The following CDH12 variants were observed in gnomAD, a reference collection of about 807,000 sequenced individuals.
The protein encoded by CDH12 is cadherin 12.
In CDH12, 41 loss-of-function variants were observed where a neutral mutation model predicts 74.1. That is an observed-to-expected ratio of 0.55 (90% CI 0.43 to 0.72). The LOEUF (loss-of-function observed/expected upper bound fraction) is 0.72. Among genes scored for constraint, CDH12 ranks in the 30% least tolerant of loss-of-function variants. The pLI is 0.00. For synonymous variants in CDH12, 399 were observed against 355.0 expected, an observed-to-expected ratio of 1.12 and a Z score of -1.39; for missense variants, 945 against 977.2, an observed-to-expected ratio of 0.97 and a Z score of 0.44.
At chr5:22,110,403 A>G (rs1016238777) in intron 4 of CDH12, among the ~76,000 whole-genome samples, 23 of 150,550 alleles carry the variant, frequency 1.5e-4, no homozygotes, top group African/African-American at 5.6e-4. Context: ...CATGGGAGAC[A>G]GGGGTAGTAC....
intron 3 of CDH12, among the ~76,000 whole-genome samples, chr5:22,244,727 AAAAGAAAGAAAGAAAAGAAAG>A (rs1580442087): frequency 2.2e-5 from 3 of 136,138 alleles, no homozygotes; most frequent in Non-Finnish European, 4.6e-5. Flanking sequence ...GAGAGAAAGA[AAAAGAAAGAAAGAAAAGAAAG>A]AAAGAAAGAA....
At chr5:22,311,641 T>G (rs1291534377) in intron 3 of CDH12, among the ~76,000 whole-genome samples, 5 of 150,986 alleles carry the variant, frequency 3.3e-5, no homozygotes, top group Non-Finnish European at 2.9e-5. Flanking sequence ...AGGCAGAAGT[T>G]TTAGTGAGCT....
chr5:22,641,421 A>G (rs186012555), intron 1 of CDH12, among the ~76,000 whole-genome samples: 4 of 152,216 alleles, frequency 2.6e-5, no homozygotes, highest in African/African-American at 7.2e-5. Context: ...TGGGGCCCCA[A>G]GTGGTTGATG....
intron 1 of CDH12, among the ~76,000 whole-genome samples, chr5:22,845,791 T>C (rs1045712126): frequency 6.6e-6 from 1 of 152,134 alleles, no homozygotes; most frequent in African/African-American, 2.4e-5. Flanking sequence ...TGACAAGATA[T>C]TGGTTTTAAG....
chr5:21,946,052 A>T (rs1332797506), intron 6 of CDH12, among the ~76,000 whole-genome samples: 1 of 152,012 alleles, frequency 6.6e-6, no homozygotes, highest in Non-Finnish European at 1.5e-5. Flanking sequence ...GAAAAACAAT[A>T]ATGTAAACCA....
chr5:22,157,065 A>T (rs1255757417), intron 4 of CDH12, among the ~76,000 whole-genome samples: 3 of 151,880 alleles, frequency 2.0e-5, no homozygotes, highest in Admixed American at 6.6e-5. Context: ...TCTACATCAC[A>T]AACTTGTAAG....
At chr5:21,955,112 T>C (rs1756036394) in intron 6 of CDH12, among the ~76,000 whole-genome samples, 1 of 151,496 alleles carries the variant, frequency 6.6e-6, no homozygotes, top group African/African-American at 2.4e-5. Flanking sequence ...CTGCGTTTGA[T>C]TTTTTTTACA....
At chr5:22,817,994 G>C (rs966402856) in intron 1 of CDH12, among the ~76,000 whole-genome samples, 5 of 152,112 alleles carry the variant, frequency 3.3e-5, no homozygotes, top group African/African-American at 1.2e-4. Flanking sequence ...AATAAAAAGT[G>C]GAAGGGTTGT....
chr5:21,806,009 C>G (rs565145454), intron 9 of CDH12, among the ~76,000 whole-genome samples: 1 of 151,998 alleles, frequency 6.6e-6, no homozygotes, highest in Non-Finnish European at 1.5e-5. Context: ...ACTAGTGGCA[C>G]CAGAATGTTC....
At chr5:22,269,188 T>C (rs1472238073) in intron 3 of CDH12, among the ~76,000 whole-genome samples, 1 of 152,166 alleles carries the variant, frequency 6.6e-6, no homozygotes, top group Non-Finnish European at 1.5e-5. Context: ...TAGTATTTTG[T>C]TTTAATCAAT....
chr5:22,463,723 A>C (rs1745612465), intron 2 of CDH12, among the ~76,000 whole-genome samples: 1 of 152,182 alleles, frequency 6.6e-6, no homozygotes, highest in Non-Finnish European at 1.5e-5. Flanking sequence ...TCATTAATTT[A>C]TGAAGTTAAT....
intron 3 of CDH12, among the ~76,000 whole-genome samples, chr5:22,219,979 A>T (rs1167440647): frequency 6.6e-6 from 1 of 151,792 alleles, no homozygotes; most frequent in Non-Finnish European, 1.5e-5. Flanking sequence ...ACCCCCAAAT[A>T]AAACTTTGTT....
At chr5:21,954,093 A>G (rs1482483313) in intron 6 of CDH12, among the ~76,000 whole-genome samples, 1 of 150,020 alleles carries the variant, frequency 6.7e-6, no homozygotes, top group East Asian at 1.9e-4. Context: ...ATTTAATCAG[A>G]ATATATAATA....
intron 1 of CDH12, among the ~76,000 whole-genome samples, chr5:22,539,308 C>A (rs1171159527): frequency 1.3e-5 from 2 of 152,150 alleles, no homozygotes; most frequent in Non-Finnish European, 2.9e-5. Context: ...AAGGGAGACA[C>A]TTCATGGAAG....
At chr5:22,565,525 T>C (rs971286163) in intron 1 of CDH12, among the ~76,000 whole-genome samples, 2 of 152,212 alleles carry the variant, frequency 1.3e-5, no homozygotes, top group Middle Eastern at 3.2e-3. Flanking sequence ...GAATTAGCTG[T>C]TCTCCAAAAC....
intron 6 of CDH12, 122 bp from the exon 7 acceptor site, chr5:21,854,912 A>T (rs1400095928): frequency 4.2e-6 from 3 of 711,902 alleles, no homozygotes; most frequent in African/African-American, 1.8e-5. Flanking sequence ...CCATGAGTAC[A>T]TGATGTCACT....
chr5:22,486,780 C>T (rs1364464183), intron 2 of CDH12, among the ~76,000 whole-genome samples: 1 of 151,538 alleles, frequency 6.6e-6, no homozygotes, highest in Non-Finnish European at 1.5e-5. Flanking sequence ...ACCAATAGTT[C>T]TGGTGGTAGA....
chr5:22,377,877 C>T (rs542811033), intron 3 of CDH12, among the ~76,000 whole-genome samples: 41 of 152,050 alleles, frequency 2.7e-4, no homozygotes, highest in African/African-American at 9.2e-4. Flanking sequence ...TGATTTAATG[C>T]GTTTGGAAAT....
chr5:21,803,272 T>G (rs1747241174), intron 9 of CDH12, among the ~76,000 whole-genome samples: 1 of 152,152 alleles, frequency 6.6e-6, no homozygotes, highest in African/African-American at 2.4e-5. Context: ...TTTTTTATTT[T>G]TTTTACTAGT....
Sources: allele counts gnomAD v4.1 joint callset (sites outside exome capture counted in the v4.1 genomes callset), GRCh38; gene constraint gnomAD v4.1.1; transcripts MANE v1.5; gene names NCBI Gene and HGNC (gene_info 2026-07-23, HGNC 2026-07-21).